Variants in LOC128462377 observed in about 807,000 individuals in gnomAD.
the LOC128462377 span, among the ~76,000 whole-genome samples, chr16:89,366,924 C>T: frequency 6.6e-5 from 10 of 152,290 alleles, no homozygotes; most frequent in Non-Finnish European, 1.3e-4. Flanking sequence ...ATGTGAAGAC[C>T]ATCCTTCGCA....
chr16:89,375,623 T>G, the LOC128462377 span, among the ~76,000 whole-genome samples: 1 of 151,970 alleles, frequency 6.6e-6, no homozygotes, highest in Non-Finnish European at 1.5e-5. Context: ...CCAGTTAATT[T>G]TTAAATTTTT....
At chr16:89,408,198 G>A in the LOC128462377 span, among the ~76,000 whole-genome samples, 4 of 152,272 alleles carry the variant, frequency 2.6e-5, no homozygotes, top group South Asian at 2.1e-4. Context: ...ACAGATACTC[G>A]GCCAAGAAAC....
chr16:89,383,216 A>G, the LOC128462377 span, among the ~76,000 whole-genome samples: 5 of 152,210 alleles, frequency 3.3e-5, no homozygotes, highest in African/African-American at 1.2e-4. Flanking sequence ...AAGAGGGAGG[A>G]GCCACAAGAG....
chr16:89,319,308 G>A, the LOC128462377 span, among the ~76,000 whole-genome samples: 2 of 152,250 alleles, frequency 1.3e-5, no homozygotes, highest in African/African-American at 4.8e-5. Flanking sequence ...CATGTCCCTA[G>A]CTTGGTGCTT....
the LOC128462377 span, among the ~76,000 whole-genome samples, chr16:89,325,821 C>T: frequency 7.2e-5 from 11 of 152,340 alleles, no homozygotes; most frequent in African/African-American, 2.6e-4. Context: ...CCTTTTGCTG[C>T]AGGACCTGTT....
chr16:89,392,579 G>A, the LOC128462377 span: 2 of 151,802 alleles, frequency 1.3e-5, no homozygotes, highest in African/African-American at 4.8e-5. Context: ...CAAGAACATG[G>A]TCGTGATGTG....
the LOC128462377 span, among the ~76,000 whole-genome samples, chr16:89,372,279 G>C: frequency 3.3e-5 from 5 of 152,358 alleles, no homozygotes; most frequent in South Asian, 8.3e-4. Flanking sequence ...CTGAGATTAA[G>C]AGGGGCTCTG....
the LOC128462377 span, among the ~76,000 whole-genome samples, chr16:89,397,226 G>A: frequency 6.6e-6 from 1 of 152,160 alleles, no homozygotes; most frequent in African/African-American, 2.4e-5. Context: ...ACCTGGGTGA[G>A]GGGAGCACGG....
chr16:89,379,245 G>A, the LOC128462377 span, among the ~76,000 whole-genome samples: 6 of 152,250 alleles, frequency 3.9e-5, no homozygotes, highest in Non-Finnish European at 8.8e-5. Flanking sequence ...ACAGGCTCAT[G>A]CTTTTTTAAT....
chr16:89,376,281 A>G, the LOC128462377 span, among the ~76,000 whole-genome samples: 5 of 152,206 alleles, frequency 3.3e-5, no homozygotes, highest in African/African-American at 1.2e-4. Flanking sequence ...GGAGAAGTGG[A>G]TGCCAGCAAA....
the LOC128462377 span, among the ~76,000 whole-genome samples, chr16:89,333,746 G>C: frequency 6.6e-6 from 1 of 152,156 alleles, no homozygotes; most frequent in Non-Finnish European, 1.5e-5. Flanking sequence ...AGGACATCTT[G>C]GCTGCTTCCA....
At chr16:89,332,971 C>T in the LOC128462377 span, among the ~76,000 whole-genome samples, 594 of 152,350 alleles carry the variant, frequency 3.9e-3, 2 homozygotes, top group African/African-American at 0.014. Context: ...GGCTGCTCCA[C>T]GCTTCTCAGC....
At chr16:89,374,010 A>G in the LOC128462377 span, among the ~76,000 whole-genome samples, 1 of 152,224 alleles carries the variant, frequency 6.6e-6, no homozygotes, top group African/African-American at 2.4e-5. Flanking sequence ...TACCTGCAGG[A>G]CAGGAGCTCC....
chr16:89,350,267 C>A, the LOC128462377 span, among the ~76,000 whole-genome samples: 1 of 152,196 alleles, frequency 6.6e-6, no homozygotes, highest in Non-Finnish European at 1.5e-5. Flanking sequence ...GGAAAAGAGT[C>A]TGGCAGGTTC....
chr16:89,373,617 G>A, the LOC128462377 span: 1 of 152,258 alleles, frequency 6.6e-6, no homozygotes, highest in Non-Finnish European at 1.5e-5. Flanking sequence ...GCTGACGTCG[G>A]AAGTTCACAT....
chr16:89,399,093 C>A, the LOC128462377 span, among the ~76,000 whole-genome samples: 1 of 152,234 alleles, frequency 6.6e-6, no homozygotes, highest in Non-Finnish European at 1.5e-5. Context: ...TCCCTGAACA[C>A]TGACCTCCTG....
At chr16:89,338,049 C>T in the LOC128462377 span, among the ~76,000 whole-genome samples, 1 of 152,236 alleles carries the variant, frequency 6.6e-6, no homozygotes, top group African/African-American at 2.4e-5. Context: ...CCCTACACAC[C>T]AGGACCACTG....
the LOC128462377 span, chr16:89,324,096 G>A: frequency 5.3e-4 from 206 of 392,022 alleles, 1 homozygote; most frequent in African/African-American, 4.1e-3. Context: ...ATGATCTGCC[G>A]GCCTCGGCCT....
At chr16:89,337,569 TG>T in the LOC128462377 span, among the ~76,000 whole-genome samples, 1 of 149,844 alleles carries the variant, frequency 6.7e-6, no homozygotes, top group Non-Finnish European at 1.5e-5. Flanking sequence ...CCCGAGTAGC[TG>T]GGACTACAGG....
Sources: allele counts gnomAD v4.1 joint callset (sites outside exome capture counted in the v4.1 genomes callset), GRCh38; gene constraint gnomAD v4.1.1; transcripts MANE v1.5.